Variants in HDAC9 observed in about 807,000 individuals in gnomAD.
HDAC9 encodes the protein histone deacetylase 9, also known as MEF-2 interacting transcription repressor (MITR) protein.
In HDAC9, 41 loss-of-function variants were observed where a neutral mutation model predicts 139.4. The observed-to-expected ratio is 0.29, with a 90% confidence interval of 0.23 to 0.38. The LOEUF (loss-of-function observed/expected upper bound fraction) is 0.38, where lower values mean the gene tolerates loss of function less well. Ranked by LOEUF, HDAC9 falls within the 10% of genes least tolerant of loss-of-function variation. HDAC9 has a pLI of 1.00. For synonymous variants in HDAC9, 517 were observed against 476.2 expected (o/e 1.09, Z -1.12); for missense variants, 1,147 against 1,297.0 (o/e 0.88, Z 1.78).
chr7:18,748,293 TA>T (rs1788153715), intron 13 of HDAC9, among the ~76,000 whole-genome samples: 1 of 152,232 alleles, frequency 6.6e-6, no homozygotes, highest in Non-Finnish European at 1.5e-5. Flanking sequence ...CTTGATAATT[TA>T]AAAGAAGATT....
intron 1 of HDAC9, among the ~76,000 whole-genome samples, chr7:18,397,819 C>T (rs1012293240): frequency 1.3e-5 from 2 of 152,190 alleles, no homozygotes; most frequent in Admixed American, 6.5e-5. Flanking sequence ...GTGTTATTGA[C>T]CCTATTGGTA....
At chr7:18,697,524 C>T (rs1165905888) in intron 12 of HDAC9, among the ~76,000 whole-genome samples, 3 of 152,144 alleles carry the variant, frequency 2.0e-5, no homozygotes, top group South Asian at 2.1e-4. Context: ...TTTGGAAAGA[C>T]AGTAAATATT....
chr7:18,841,603 A>C (rs1796589242), intron 21 of HDAC9, among the ~76,000 whole-genome samples: 1 of 152,124 alleles, frequency 6.6e-6, no homozygotes, highest in South Asian at 2.1e-4. Flanking sequence ...GTGATTTTGG[A>C]GACAGTACTT....
At chr7:18,162,969 G>C (rs1787749432) in intron 2 of HDAC9, among the ~76,000 whole-genome samples, 1 of 152,124 alleles carries the variant, frequency 6.6e-6, no homozygotes, top group Admixed American at 6.6e-5. Flanking sequence ...TCCAAGTTTT[G>C]GGAATGATGA....
At chr7:18,139,972 T>A (rs2128108872) in intron 1 of HDAC9, among the ~76,000 whole-genome samples, 1 of 152,254 alleles carries the variant, frequency 6.6e-6, no homozygotes, top group Non-Finnish European at 1.5e-5. Context: ...TCCAGAACTG[T>A]GAGAGCATAC....
At chr7:18,474,441 G>T (rs1193111243) in intron 1 of HDAC9, among the ~76,000 whole-genome samples, 1 of 152,192 alleles carries the variant, frequency 6.6e-6, no homozygotes, top group Non-Finnish European at 1.5e-5. Flanking sequence ...GGTAGGCTGA[G>T]CTGAACTGAT....
chr7:18,716,709 A>T (rs1219603411), intron 12 of HDAC9, among the ~76,000 whole-genome samples: 3 of 152,202 alleles, frequency 2.0e-5, no homozygotes, highest in Non-Finnish European at 4.4e-5. Flanking sequence ...AAATAGGTGC[A>T]GCTTCACATA....
chr7:18,594,824 G>A (rs933363941), intron 6 of HDAC9, among the ~76,000 whole-genome samples: 1 of 151,942 alleles, frequency 6.6e-6, no homozygotes, highest in African/African-American at 2.4e-5. Flanking sequence ...TAGTTCTTTA[G>A]AGACAGTAGT....
chr7:18,991,272 A>G (rs1379370980), intron 25 of HDAC9, among the ~76,000 whole-genome samples: 1 of 152,234 alleles, frequency 6.6e-6, no homozygotes, highest in Non-Finnish European at 1.5e-5. Context: ...AAGAACATAA[A>G]ACAAAATTCA....
intron 1 of HDAC9, among the ~76,000 whole-genome samples, chr7:18,476,341 G>C (rs1407216360): frequency 6.6e-6 from 1 of 151,980 alleles, no homozygotes; most frequent in Non-Finnish European, 1.5e-5. Context: ...ATTTCCCCAA[G>C]GGACAATATC....
At chr7:18,809,685 C>T (rs1794020650) in intron 17 of HDAC9, among the ~76,000 whole-genome samples, 2 of 151,998 alleles carry the variant, frequency 1.3e-5, no homozygotes, top group East Asian at 1.9e-4. Flanking sequence ...GTACCTCACA[C>T]CTGTTGGGAT....
intron 22 of HDAC9, among the ~76,000 whole-genome samples, chr7:18,881,272 G>A (rs1423019577): frequency 2.6e-5 from 4 of 151,984 alleles, no homozygotes; most frequent in Non-Finnish European, 5.9e-5. Context: ...AGTTATTACA[G>A]AGGATAAGAT....
At chr7:18,953,394 G>C (rs1208318212) in intron 23 of HDAC9, among the ~76,000 whole-genome samples, 5 of 152,060 alleles carry the variant, frequency 3.3e-5, no homozygotes, top group Non-Finnish European at 7.4e-5. Context: ...TGTGTTATCA[G>C]ACTTAGGCCT....
chr7:18,286,379 T>G (rs958798085), upstream of HDAC9, among the ~76,000 whole-genome samples: 3 of 149,252 alleles, frequency 2.0e-5, no homozygotes, highest in Non-Finnish European at 3.0e-5. Flanking sequence ...AATAATTACA[T>G]ATATAGTAAT....
intron 22 of HDAC9, among the ~76,000 whole-genome samples, chr7:18,921,741 G>T (rs917562618): frequency 1.3e-5 from 2 of 152,088 alleles, no homozygotes; most frequent in African/African-American, 4.8e-5. Flanking sequence ...TATACCCAAA[G>T]GACTATAAAT....
At chr7:18,725,919 A>G (rs1390512981) in intron 12 of HDAC9, among the ~76,000 whole-genome samples, 2 of 152,136 alleles carry the variant, frequency 1.3e-5, no homozygotes, top group East Asian at 1.9e-4. Context: ...ATCCATCCCA[A>G]TCATCGAAGC....
chr7:18,851,070 G>A (rs1336245432), intron 21 of HDAC9, among the ~76,000 whole-genome samples: 1 of 152,204 alleles, frequency 6.6e-6, no homozygotes, highest in African/African-American at 2.4e-5. Context: ...GGATTTTGAA[G>A]AGTAGTGAGA....
intron 2 of HDAC9, 88 bp from the exon 3 acceptor site, chr7:18,585,193 C>T (rs1829080320): frequency 3.4e-6 from 5 of 1,466,204 alleles, no homozygotes; most frequent in Admixed American, 1.9e-5. Context: ...GGGTCTTATA[C>T]TTTTTATTTG....
chr7:18,193,466 G>C (rs776272789), intron 2 of HDAC9, among the ~76,000 whole-genome samples: 3 of 152,128 alleles, frequency 2.0e-5, no homozygotes, highest in Non-Finnish European at 2.9e-5. Context: ...TGGTGTACAG[G>C]GAGATTTACT....
Sources: allele counts gnomAD v4.1 joint callset (sites outside exome capture counted in the v4.1 genomes callset), GRCh38; gene constraint gnomAD v4.1.1; transcripts MANE v1.5; gene names NCBI Gene and HGNC (gene_info 2026-07-23, HGNC 2026-07-21).